The following PXDNL variants were observed in gnomAD, a reference collection of about 807,000 sequenced individuals.
PXDNL encodes peroxidasin like.
Under a neutral mutation model 150.8 loss-of-function variants are expected in PXDNL, and 145 were observed. The observed-to-expected ratio is 0.96, with a 90% confidence interval of 0.84 to 1.10. PXDNL has a LOEUF of 1.10. Ranked by LOEUF, PXDNL falls within the 50% of genes least tolerant of loss-of-function variation. The pLI is 0.00. For missense variants in PXDNL, 2,087 were observed against 1,873.9 expected (o/e 1.11, Z -2.10); for synonymous variants, 757 against 725.7 (o/e 1.04, Z -0.69).
intron 1 of PXDNL, among the ~76,000 whole-genome samples, chr8:51,710,728 A>T (rs775992361): frequency 6.6e-6 from 1 of 152,232 alleles, no homozygotes; most frequent in East Asian, 1.9e-4. Context: ...TTCATTTAGC[A>T]TAATGTCTTC....
intron 1 of PXDNL, among the ~76,000 whole-genome samples, chr8:51,761,596 C>A (rs1488927127): frequency 6.6e-6 from 1 of 152,138 alleles, no homozygotes; most frequent in Non-Finnish European, 1.5e-5. Flanking sequence ...ATTTAAAGCT[C>A]TTAATAGATT....
intron 1 of PXDNL, among the ~76,000 whole-genome samples, chr8:51,778,421 G>A (rs774912005): frequency 1.8e-4 from 27 of 152,128 alleles, no homozygotes; most frequent in African/African-American, 2.4e-4. Flanking sequence ...TCTCCCACAC[G>A]GCAGGCTATG....
At chr8:51,589,351 C>T (rs983609950) in intron 3 of PXDNL, among the ~76,000 whole-genome samples, 2 of 152,096 alleles carry the variant, frequency 1.3e-5, no homozygotes, top group African/African-American at 4.8e-5. Flanking sequence ...TGGGTAAAGG[C>T]TAGAAGAGTC....
intron 19 of PXDNL, among the ~76,000 whole-genome samples, 162 bp downstream of exon 19, chr8:51,371,711 T>C (rs772545257): frequency 6.6e-6 from 1 of 152,214 alleles, no homozygotes; most frequent in Non-Finnish European, 1.5e-5. Context: ...TTTTTCCTGG[T>C]GTCCACCCCT....
intron 13 of PXDNL, among the ~76,000 whole-genome samples, chr8:51,425,825 A>G (rs1809085001): frequency 6.6e-6 from 1 of 152,118 alleles, no homozygotes; most frequent in African/African-American, 2.4e-5. Context: ...CCGTCTCAAA[A>G]AAAAAAAACA....
At position 51,409,542 on chromosome 8, in the gene PXDNL, C is replaced by T. The variant is rs1420731415; in HGVS notation, c.2082G>A (p.Leu694=). Residue 694 remains leucine, a synonymous_variant, in exon 17 of 23, where the codon TTG becomes TTA. Transcript: ENST00000356297. ...LEGKEFRYND[L]VSPRSLSLIA... ...TGAGGCTGAGGGAGCGCGGGGACAC[C>T]AAGTCATTGTACCGGAATTCTGAAA... 6.3e-7 allele frequency: 1 copy of T among 1,588,028 alleles called. No individual in the cohort carries two copies. Among genetic ancestry groups the T allele is most frequent in the East Asian group, 2.3e-5 (1 of 43,298 alleles).
intron 19 of PXDNL, among the ~76,000 whole-genome samples, chr8:51,360,442 A>G (rs1806691735): frequency 1.3e-5 from 2 of 152,230 alleles, no homozygotes; most frequent in African/African-American, 4.8e-5. Flanking sequence ...ACATAGCTAT[A>G]CATGCCTATA....
chr8:51,777,767 G>A (rs754398966), intron 1 of PXDNL, among the ~76,000 whole-genome samples: 1 of 152,154 alleles, frequency 6.6e-6, no homozygotes, highest in Admixed American at 6.5e-5. Flanking sequence ...GCCAGGCGTG[G>A]TAGTGGGCGC....
chr8:51,503,560 C>T (rs1210309358), intron 4 of PXDNL, among the ~76,000 whole-genome samples: 2 of 152,120 alleles, frequency 1.3e-5, no homozygotes, highest in Admixed American at 1.3e-4. Flanking sequence ...CTATCCTCTC[C>T]TACATCTTAT....
chr8:51,667,411 CGTGAT>C (rs1369679335), intron 1 of PXDNL, among the ~76,000 whole-genome samples: 14 of 152,304 alleles, frequency 9.2e-5, no homozygotes, highest in African/African-American at 3.4e-4. Flanking sequence ...TAGTTTTACA[CGTGAT>C]GTAAACTACT....
chr8:51,705,807 C>CTG (rs71550283), intron 1 of PXDNL, among the ~76,000 whole-genome samples: 10,436 of 143,028 alleles, frequency 0.073, 454 homozygotes, highest in East Asian at 0.095. Flanking sequence ...GGTGAAAACA[C>CTG]TGTGTGTGTG....
intron 3 of PXDNL, among the ~76,000 whole-genome samples, chr8:51,565,417 A>G (rs1812805074): frequency 6.6e-6 from 1 of 151,904 alleles, no homozygotes; most frequent in Non-Finnish European, 1.5e-5. Flanking sequence ...AAAGCCTGCC[A>G]TTGTTTGTCA....
chr8:51,504,936 C>T (rs1811254646), intron 4 of PXDNL, among the ~76,000 whole-genome samples: 1 of 152,190 alleles, frequency 6.6e-6, no homozygotes, highest in African/African-American at 2.4e-5. Context: ...ATTACATTTC[C>T]TTGGGGAAGA....
chr8:51,700,156 G>C (rs1051670131), intron 1 of PXDNL, among the ~76,000 whole-genome samples: 5 of 95,004 alleles, frequency 5.3e-5, no homozygotes, highest in Non-Finnish European at 1.1e-4. Flanking sequence ...AATAAAACAA[G>C]GTATGCCTGC....
intron 6 of PXDNL, among the ~76,000 whole-genome samples, chr8:51,477,389 A>T (rs1810504171): frequency 6.6e-6 from 1 of 152,216 alleles, no homozygotes; most frequent in Non-Finnish European, 1.5e-5. Context: ...TGGCTAAAGT[A>T]GGGAATTCTG....
chr8:51,556,854 T>C lies in PXDNL; in HGVS notation c.366A>G (p.Ile122Met), dbSNP rs1278297731. The change falls in exon 4 of 23, where the codon ATA becomes ATG. Residue 122 changes from isoleucine to methionine, a missense_variant. By Grantham distance (10) the Ile-to-Met change is conservative (BLOSUM62 1). Transcript: ENST00000356297. ...ALDKQTFKGLISLEHLYIHFN... is the reference protein window; with the variant it reads ...ALDKQTFKGLMSLEHLYIHFN... ...CTATTACTTACAGATGTTCCAAAGA[T>C]ATGAGTCCTTTAAATGTTTGCTTAT... 1.9e-6 allele frequency: 3 copies of C among 1,576,472 alleles called. No homozygotes were observed. The East Asian group carries it at 6.7e-5, about 35-fold the overall frequency.
At chr8:51,446,520 T>C (rs1046709319) in intron 12 of PXDNL, among the ~76,000 whole-genome samples, 1 of 152,200 alleles carries the variant, frequency 6.6e-6, no homozygotes, top group Non-Finnish European at 1.5e-5. Context: ...CAATAAATTA[T>C]GGATGAATAA....
At chr8:51,694,249 G>A (rs946625319) in intron 1 of PXDNL, among the ~76,000 whole-genome samples, 3 of 152,178 alleles carry the variant, frequency 2.0e-5, no homozygotes, top group Non-Finnish European at 4.4e-5. Flanking sequence ...TGTAATCCCA[G>A]CCACTTGGAA....
chr8:51,383,822 CATA>C (rs1807619270), intron 17 of PXDNL, among the ~76,000 whole-genome samples: 1 of 152,108 alleles, frequency 6.6e-6, no homozygotes, highest in South Asian at 2.1e-4. Context: ...TATCTAATTT[CATA>C]ATGACAGTTT....
Sources: allele counts gnomAD v4.1 joint callset (sites outside exome capture counted in the v4.1 genomes callset), GRCh38; gene constraint gnomAD v4.1.1; transcripts MANE v1.5; gene names NCBI Gene and HGNC (gene_info 2026-07-23, HGNC 2026-07-21).